MKRN1: variants seen among roughly 807,000 people sequenced by gnomAD.
MKRN1 encodes the protein makorin ring finger protein 1, also known as E3 ubiquitin-protein ligase makorin-1.
MKRN1 carries 9 observed loss-of-function variants against 55.5 expected under a neutral mutation model. The ratio of observed to expected loss-of-function variants is 0.16; its 90% CI spans 0.10 to 0.28. MKRN1 has a LOEUF of 0.28. Among genes scored for constraint, MKRN1 ranks in the 10% least tolerant of loss-of-function variants. The pLI is 1.00. For missense variants in MKRN1, 488 were observed against 626.7 expected (o/e 0.78, Z 2.36); for synonymous variants, 253 against 235.9 (o/e 1.07, Z -0.66).
chr7:140,476,047 GA>G (rs747173350), intron 1 of MKRN1, among the ~76,000 whole-genome samples: 3 of 152,100 alleles, frequency 2.0e-5, no homozygotes, highest in Non-Finnish European at 4.4e-5. Flanking sequence ...AGGTGATTCC[GA>G]GCAATTAAAA....
chr7:140,475,213 C>T (rs923231482), intron 1 of MKRN1: 5 of 441,654 alleles, frequency 1.1e-5, no homozygotes, highest in South Asian at 3.2e-5. Flanking sequence ...TGTGATGGCA[C>T]GTGCCTGTAA....
Position 140,479,294 on chromosome 7 carries a change from T to C in MKRN1, c.51A>G (p.Gly17=). The change falls in exon 1 of 8, where the codon GGA becomes GGG. Residue 17 remains glycine (G), a synonymous_variant. Transcript: ENST00000255977. ...PGTTATTSGA[G]AAAATAAAAS... Reference sequence around the variant, plus strand: ...CTGCTGCCGCCGTCGCCGCTGCCGCTCCTGCTCCTGATGTTGTGGCTGTTG... The same window carrying C: ...CTGCTGCCGCCGTCGCCGCTGCCGCCCCTGCTCCTGATGTTGTGGCTGTTG... 1 of 1,379,844 alleles carries C rather than the reference T, an allele frequency of 7.2e-7. No homozygotes were observed. Among genetic ancestry groups the C allele is most frequent in the African/African-American group, 1.5e-5 (1 of 65,500 alleles). 85.5% of individuals were successfully genotyped at this position (1,379,844 alleles called of 1,614,324 possible). A position where few individuals can be genotyped will look rare whatever the true frequency, so the allele number is the denominator to read the frequency against.
chr7:140,455,624 T>C (rs142033240), intron 6 of MKRN1, 166 bp downstream of exon 6: 1 of 616,116 alleles, frequency 1.6e-6, no homozygotes, highest in South Asian at 2.0e-5. Flanking sequence ...GACTGTGTTA[T>C]AGCAAGATAT....
rs756080779 is a variant in MKRN1, at chr7:140,455,884, G to A, written c.1003C>T (p.Arg335Trp). 2 of 1,613,656 alleles carry A rather than the reference G, an allele frequency of 1.2e-6. No homozygotes were observed. Among genetic ancestry groups the A allele is most frequent in the Admixed American group, 1.7e-5 (1 of 59,992 alleles). ...GGAATGACAAAGTTAGATGTGATCCGGCATTCTGGGCAGGACCTGGGAAAC... is the reference window on the plus strand; with the variant it reads ...GGAATGACAAAGTTAGATGTGATCCAGCATTCTGGGCAGGACCTGGGAAAC... ...SKIIKSCPECRITSNFVIPSE... is the reference protein window; with the variant it reads ...SKIIKSCPECWITSNFVIPSE... Residue 335 changes from arginine (R) to tryptophan (W), a missense_variant, in exon 6 of 8, where the codon CGG (arginine) becomes TGG (tryptophan). Arg to Trp is a moderately radical substitution (Grantham distance 101). Transcript: ENST00000255977.
intron 1 of MKRN1, among the ~76,000 whole-genome samples, chr7:140,473,016 C>G (rs1387214423): frequency 1.3e-5 from 2 of 151,334 alleles, no homozygotes; most frequent in Non-Finnish European, 2.9e-5. Flanking sequence ...ACTCGGGAGG[C>G]TGAGGCAGGG....
chr7:140,455,777 G>A lies in MKRN1; in HGVS notation c.1097+13C>T, dbSNP rs755386761. The A allele has an allele frequency of 5.0e-6, 8 of 1,589,628 alleles. 1 individual carries two copies. In the South Asian group the frequency reaches 8.8e-5, roughly 18 times the overall value. The stretch of plus-strand genomic sequence containing the variant: ...TGGGCTCTTCGCTTGAGAAAAGGCT[G>A]CAGTGCTCATACCTCATTGCCTCCT... On this transcript the variant is annotated intron_variant, in intron 6 of 7. Coordinates refer to ENST00000255977, the MANE Select transcript of MKRN1 (RefSeq NM_013446.4).
At chr7:140,477,020 C>A (rs1795141568) in intron 1 of MKRN1, among the ~76,000 whole-genome samples, 2 of 150,998 alleles carry the variant, frequency 1.3e-5, no homozygotes, top group Admixed American at 1.3e-4. Context: ...ATCAATTAAA[C>A]CTGGGAGGCG....
Position 140,454,536 on chromosome 7 carries a change from A to C in MKRN1, c.1430T>G (p.Phe477Cys). Residue 477 changes from phenylalanine to cysteine, a missense_variant, in exon 8 of 8, where the codon TTT (phenylalanine) becomes TGT (cysteine). Around this residue, in one of 2 missense-constraint regions of MKRN1, gnomAD observed 278 missense variants for 406.7 expected, o/e 0.68. Coordinates refer to ENST00000255977, the MANE Select transcript of MKRN1 (RefSeq NM_013446.4). ...AGGTTGCTATAGATCCAAGTCATAAAAATCTTCCAGCTCATCATGAAACAA... is the reference window on the plus strand; with the variant it reads ...AGGTTGCTATAGATCCAAGTCATAACAATCTTCCAGCTCATCATGAAACAA... The part of the protein sequence containing the change: ...WDLFHDELED[F>C]YDLDL The C allele has an allele frequency of 6.2e-7, 1 of 1,612,308 alleles. No individual in the cohort carries two copies. The highest frequency in any genetic ancestry group is 8.5e-7 in the Non-Finnish European group (1 of 1,179,810).
At chr7:140,462,933 T>A (rs1794664321) in intron 2 of MKRN1, among the ~76,000 whole-genome samples, 1 of 151,960 alleles carries the variant, frequency 6.6e-6, no homozygotes, top group Non-Finnish European at 1.5e-5. Flanking sequence ...ACCACTGCAC[T>A]CCACTCTGGG....
At position 140,479,269 on chromosome 7, in the gene MKRN1, C is replaced by T. The variant is rs917617233; in HGVS notation, c.76G>A (p.Ala26Thr). 1 of 1,393,586 alleles carries T rather than the reference C, an allele frequency of 7.2e-7. No homozygotes were observed. The highest frequency in any genetic ancestry group is 1.6e-5 in the South Asian group (1 of 61,816). 86.3% of individuals were successfully genotyped at this position (1,393,586 alleles called of 1,614,324 possible). Residue 26 changes from alanine (A) to threonine (T), a missense_variant, in exon 1 of 8, where the codon GCC becomes ACC. Coordinates refer to ENST00000255977, the MANE Select transcript of MKRN1 (RefSeq NM_013446.4). ...ACTGTGGGGATCGGGGTGGGGGAGG[C>T]TGCTGCCGCCGTCGCCGCTGCCGCT... ...AGAAAATAAA[A>T]SPTPIPTVTA... is the part of the protein sequence containing the mutation.
At chr7:140,463,689 T>C (rs899614484) in intron 2 of MKRN1, among the ~76,000 whole-genome samples, 8 of 151,886 alleles carry the variant, frequency 5.3e-5, no homozygotes, top group East Asian at 3.9e-4. Context: ...ATGGAGACCA[T>C]CCTGGCTAAC....
At chr7:140,459,487 G>A (rs561792441) in intron 3 of MKRN1, among the ~76,000 whole-genome samples, 4 of 152,002 alleles carry the variant, frequency 2.6e-5, no homozygotes, top group East Asian at 3.9e-4. Context: ...AAAAGTACTC[G>A]AAAGGATTCA....
At chr7:140,473,132 T>A (rs1056343627) in intron 1 of MKRN1, 1 of 370,182 alleles carries the variant, frequency 2.7e-6, no homozygotes, top group Non-Finnish European at 5.2e-6. Flanking sequence ...AAAAAAGATA[T>A]AGTCTACGTC....
At position 140,454,504 on chromosome 7, in the gene MKRN1, C is replaced by T. The variant is rs773684309; in HGVS notation, c.*13G>A. ...TGAGGTCAGCAGACCAGTTCACACG[C>T]CACGCAAGGTTGCTATAGATCCAAG... On this transcript the variant is annotated 3_prime_UTR_variant, in exon 8 of 8. Transcript: ENST00000255977. 2 of 1,608,150 alleles carry T rather than the reference C, an allele frequency of 1.2e-6. No homozygotes were observed. Among genetic ancestry groups the T allele is most frequent in the South Asian group, 1.1e-5 (1 of 90,334 alleles).
chr7:140,475,199 C>G (rs372671101), intron 1 of MKRN1: 1 of 439,534 alleles, frequency 2.3e-6, no homozygotes, highest in African/African-American at 2.1e-5. Flanking sequence ...AATAATTAGC[C>G]GAGTGTGATG....
chr7:140,464,772 G>T (rs944784696), intron 2 of MKRN1, among the ~76,000 whole-genome samples: 1 of 151,628 alleles, frequency 6.6e-6, no homozygotes, highest in African/African-American at 2.4e-5. Flanking sequence ...AAAAAAATTA[G>T]TTATTTTTAC....
intron 2 of MKRN1, among the ~76,000 whole-genome samples, chr7:140,464,821 ACT>A (rs551241286): frequency 4.6e-5 from 7 of 152,010 alleles, no homozygotes; most frequent in Admixed American, 1.3e-4. Flanking sequence ...ACAGGGTCTC[ACT>A]CTGTCTCCCA....
intron 2 of MKRN1, among the ~76,000 whole-genome samples, chr7:140,469,404 A>C (rs771083519): frequency 6.6e-6 from 1 of 152,088 alleles, no homozygotes; most frequent in Non-Finnish European, 1.5e-5. Flanking sequence ...AAACTCTTTG[A>C]TATGCCTTCC....
chr7:140,475,580 C>T (rs1045730439), intron 1 of MKRN1, among the ~76,000 whole-genome samples: 2 of 152,098 alleles, frequency 1.3e-5, no homozygotes, highest in Non-Finnish European at 2.9e-5. Flanking sequence ...AGGAGGATTG[C>T]TTGAGCCTGG....
Sources: allele counts gnomAD v4.1 joint callset (sites outside exome capture counted in the v4.1 genomes callset), GRCh38; gene constraint gnomAD v4.1.1; regional missense constraint gnomAD v4.1.1; transcripts MANE v1.5; gene names NCBI Gene and HGNC (gene_info 2026-07-23, HGNC 2026-07-21).